ALMS1: variants seen among roughly 807,000 people sequenced by gnomAD.
ALMS1 encodes centrosome-associated protein ALMS1.
In ALMS1, 271 loss-of-function variants were observed where a neutral mutation model predicts 352.2. The ratio of observed to expected loss-of-function variants is 0.77; its 90% CI spans 0.70 to 0.85. The LOEUF is 0.85. ALMS1 is among the 40% of genes least tolerant of loss of function. The probability of loss-of-function intolerance (pLI) is 0.00; values close to 1 mark genes in which losing one functional copy is unlikely to be tolerated. For missense variants in ALMS1, 5,445 were observed against 4,870.7 expected (o/e 1.12, Z -3.51); for synonymous variants, 1,865 against 1,761.2 (o/e 1.06, Z -1.48).
chr2:73,432,089 G>A (rs1671510610), intron 6 of ALMS1, 109 bp from the exon 7 acceptor site: 7 of 792,328 alleles, frequency 8.8e-6, no homozygotes, highest in South Asian at 8.7e-5. Context: ...TAGCAGATGA[G>A]GTTTGAAATT....
intron 11 of ALMS1, among the ~76,000 whole-genome samples, chr2:73,530,560 G>C (rs1673887308): frequency 6.6e-6 from 1 of 152,222 alleles, no homozygotes; most frequent in African/African-American, 2.4e-5. Context: ...AGTGCAAGCT[G>C]TTGGTGGATC....
chr2:73,593,988 TTTGTG>T (rs958016317), intron 16 of ALMS1, among the ~76,000 whole-genome samples: 6 of 152,252 alleles, frequency 3.9e-5, no homozygotes, highest in African/African-American at 9.6e-5. Flanking sequence ...TTCATGGACA[TTTGTG>T]TTGTTTCTGT....
In ALMS1 at chr2:73,590,955, C is replaced by T. The variant is rs564805545; in HGVS notation, c.11548-8446C>T. ...CCTCCCAAAGTGCTGGAATTACAGG[C>T]GTGAGCCACCGCGCCCGGCCCCTTT... On this transcript the variant is annotated intron_variant, in intron 16 of 22. Transcript: ENST00000613296. Among the ~76,000 whole-genome samples, 18 of 151,996 alleles carry T rather than the reference C, an allele frequency of 1.2e-4. No individual in the cohort carries two copies. In the East Asian group the frequency reaches 3.1e-3, roughly 26 times the overall value.
chr2:73,506,163 C>T (rs1201109017), intron 10 of ALMS1, among the ~76,000 whole-genome samples: 4 of 152,124 alleles, frequency 2.6e-5, no homozygotes, highest in Non-Finnish European at 5.9e-5. Flanking sequence ...GTTTTGGTAC[C>T]AGTACCATGC....
At position 73,452,197 on chromosome 2, in the gene ALMS1, A is replaced by G. The variant is rs1671958812; in HGVS notation, c.5670A>G (p.Ile1890Met). 6.2e-7 allele frequency: 1 copy of G among 1,614,106 alleles called. No individual in the cohort carries two copies. ...CTGACCAGAAGACTGGGATACAAAT[A>G]GCATCCTCTAGTTCCTACTCAAATA... ...GPADQKTGIQ[I>M]ASSSSYSNRE... The change falls in exon 8 of 23, where the codon ATA becomes ATG. Residue 1890 changes from isoleucine (I) to methionine (M), a missense_variant. Ile to Met is a conservative substitution (Grantham distance 10, BLOSUM62 1). Coordinates refer to ENST00000613296, the MANE Select transcript of ALMS1 (RefSeq NM_001378454.1).
At chr2:73,431,330 A>G (rs534183307) in intron 6 of ALMS1, among the ~76,000 whole-genome samples, 2 of 152,342 alleles carry the variant, frequency 1.3e-5, no homozygotes, top group East Asian at 1.9e-4. Context: ...AATGTTCATT[A>G]CTACACAATG....
chr2:73,423,644 A>G (rs1054224668), intron 4 of ALMS1, among the ~76,000 whole-genome samples: 2 of 151,886 alleles, frequency 1.3e-5, no homozygotes, highest in Non-Finnish European at 2.9e-5. Flanking sequence ...TCCTTATACT[A>G]TATATTTACC....
chr2:73,461,886 G>C (rs552361243), intron 9 of ALMS1, among the ~76,000 whole-genome samples: 13 of 152,076 alleles, frequency 8.5e-5, no homozygotes, highest in East Asian at 1.9e-4. Context: ...GAAATGAAGC[G>C]AGAAGGGAAG....
chr2:73,413,637 C>G (rs561058783), intron 2 of ALMS1, among the ~76,000 whole-genome samples: 41 of 152,316 alleles, frequency 2.7e-4, no homozygotes, highest in African/African-American at 9.4e-4. Flanking sequence ...GTCAAAATCT[C>G]TCCCAACTGA....
chr2:73,463,634 A>T (rs535524939), intron 9 of ALMS1, among the ~76,000 whole-genome samples: 5 of 126,420 alleles, frequency 4.0e-5, no homozygotes, highest in Non-Finnish European at 8.4e-5. Flanking sequence ...AGACACAAAA[A>T]ACCCTTCAAA....
At chr2:73,430,173 T>C (rs1671471128) in intron 6 of ALMS1, among the ~76,000 whole-genome samples, 2 of 150,214 alleles carry the variant, frequency 1.3e-5, no homozygotes, top group South Asian at 4.2e-4. Flanking sequence ...GCCTCCCGGG[T>C]TCACACCATT....
At position 73,534,770 on chromosome 2, in the gene ALMS1, C is replaced by G. The variant is rs1673990607; in HGVS notation, c.9782-54C>G. ...ACATAGAAGGCATTCCATATTTGTT[C>G]AATGAATTAACAAATGTTTTTCATA... is the stretch of plus-strand genomic sequence containing the variant. On this transcript the variant is annotated intron_variant, in intron 11 of 22. Transcript: ENST00000613296. The G allele has an allele frequency of 8.3e-6, 13 of 1,574,016 alleles. 1 individual carries two copies. Among genetic ancestry groups the G allele is most frequent in the Middle Eastern group, 3.3e-4 (2 of 5,994 alleles).
At chr2:73,551,787 T>C (rs1674441195) in intron 13 of ALMS1, among the ~76,000 whole-genome samples, 1 of 152,094 alleles carries the variant, frequency 6.6e-6, no homozygotes, top group African/African-American at 2.4e-5. Context: ...CATTATACTT[T>C]TGTAGCTGAT....
intron 9 of ALMS1, among the ~76,000 whole-genome samples, chr2:73,465,874 A>G (rs1672329676): frequency 6.6e-6 from 1 of 152,252 alleles, no homozygotes; most frequent in Non-Finnish European, 1.5e-5. Flanking sequence ...GGCAAAAAAC[A>G]CATGAAAAAA....
At chr2:73,440,535 T>C (rs2103754712) in intron 7 of ALMS1, among the ~76,000 whole-genome samples, 1 of 152,188 alleles carries the variant, frequency 6.6e-6, no homozygotes, top group South Asian at 2.1e-4. Flanking sequence ...GCAATTCTCG[T>C]GTCTCAGCCT....
intron 11 of ALMS1, among the ~76,000 whole-genome samples, chr2:73,521,756 C>CA (rs976050017): frequency 2.3e-4 from 34 of 148,904 alleles, no homozygotes; most frequent in Admixed American, 6.7e-4. Context: ...TTTCCAAAAA[C>CA]AAAAAAAAAG....
Position 73,451,855 on chromosome 2 carries a change from T to C in ALMS1, c.5328T>C (p.Ser1776=), listed in dbSNP as rs745907642. ...NISYQQELPD[S]HLTEEALKVS... is the part of the protein sequence containing the mutation. ...CTTACCAGCAAGAGTTGCCAGATAG[T>C]CATCTAACTGAAGAGGCTCTGAAAG... The change falls in exon 8 of 23, where the codon AGT becomes AGC. Residue 1776 remains serine, a synonymous_variant. Transcript: ENST00000613296. 4 of 1,613,580 alleles carry C rather than the reference T, an allele frequency of 2.5e-6. No homozygotes were observed. In the Admixed American group the frequency reaches 6.7e-5, roughly 27 times the overall value.
intron 9 of ALMS1, among the ~76,000 whole-genome samples, chr2:73,462,403 T>A (rs1432019694): frequency 6.6e-6 from 1 of 152,114 alleles, no homozygotes; most frequent in East Asian, 1.9e-4. Flanking sequence ...GACAAGCAAA[T>A]GCTGAGAGAT....
intron 15 of ALMS1, among the ~76,000 whole-genome samples, chr2:73,563,671 C>G (rs918571597): frequency 1.3e-4 from 18 of 138,682 alleles, no homozygotes; most frequent in African/African-American, 5.1e-4. Context: ...TGCAGTGAGC[C>G]GAGATCACGC....
Sources: allele counts gnomAD v4.1 joint callset (sites outside exome capture counted in the v4.1 genomes callset), GRCh38; gene constraint gnomAD v4.1.1; transcripts MANE v1.5; gene names NCBI Gene and HGNC (gene_info 2026-07-23, HGNC 2026-07-21).